Variants in SEMA6A observed in about 807,000 individuals in gnomAD.
The protein encoded by SEMA6A is semaphorin-6A.
In SEMA6A, 25 loss-of-function variants were observed where a neutral mutation model predicts 96.8. That is an observed-to-expected ratio of 0.26 (90% CI 0.19 to 0.36). SEMA6A has a LOEUF of 0.36. Among genes scored for constraint, SEMA6A ranks in the 10% least tolerant of loss-of-function variants. The pLI, the probability that SEMA6A is intolerant of heterozygous loss-of-function variation, is 1.00. For synonymous variants in SEMA6A, 612 were observed against 518.0 expected, an observed-to-expected ratio of 1.18 and a Z score of -2.46; for missense variants, 1,363 against 1,323.1, an observed-to-expected ratio of 1.03 and a Z score of -0.47.
chr5:116,491,603 G>C, intron 7 of SEMA6A, 137 bp downstream of exon 7: 2 of 671,012 alleles, frequency 3.0e-6, no homozygotes, highest in Non-Finnish European at 5.3e-6. Flanking sequence ...ATTTCAAACA[G>C]AAAGGCATTC....
intron 18 of SEMA6A, among the ~76,000 whole-genome samples, chr5:116,466,797 GTC>G (rs1244003347): frequency 6.6e-6 from 1 of 152,188 alleles, no homozygotes; most frequent in African/African-American, 2.4e-5. Context: ...GGGCTTTTCA[GTC>G]TCTGATTTAC....
rs548750382 is a variant in SEMA6A, at chr5:116,476,877, A to G, written c.1649+969T>C. 2.6e-5 allele frequency among the ~76,000 whole-genome samples: 4 copies of G among 152,342 alleles called. No homozygotes were observed. In the South Asian group the frequency reaches 6.2e-4, roughly 24 times the overall value. ...AGAGACTCAACCTTTTGCATTAGTCAAATTTCTAGGTCAGATTTTATAGTT... is the reference window on the plus strand; with the variant it reads ...AGAGACTCAACCTTTTGCATTAGTCGAATTTCTAGGTCAGATTTTATAGTT... On this transcript the variant is annotated intron_variant, in intron 15 of 18. Coordinates refer to ENST00000343348, the MANE Select transcript of SEMA6A (RefSeq NM_020796.5).
chr5:116,500,712 C>G (rs551745054), intron 3 of SEMA6A, among the ~76,000 whole-genome samples: 9 of 152,234 alleles, frequency 5.9e-5, no homozygotes, highest in Non-Finnish European at 1.0e-4. Flanking sequence ...TAGAAACGAT[C>G]TCCAATTCTA....
chr5:116,569,665 A>G (rs972994416), intron 1 of SEMA6A, among the ~76,000 whole-genome samples: 2 of 152,164 alleles, frequency 1.3e-5, no homozygotes, highest in African/African-American at 4.8e-5. Flanking sequence ...ACCTGAAGGA[A>G]GCCTGCAGGT....
chr5:116,521,271 G>A (rs908897911), intron 1 of SEMA6A, among the ~76,000 whole-genome samples: 1 of 152,190 alleles, frequency 6.6e-6, no homozygotes, highest in Non-Finnish European at 1.5e-5. Flanking sequence ...GCACTGGCTT[G>A]TTACTAAGGC....
At chr5:116,549,178 C>A (rs1760304431) in intron 1 of SEMA6A, among the ~76,000 whole-genome samples, 1 of 152,112 alleles carries the variant, frequency 6.6e-6, no homozygotes, top group Non-Finnish European at 1.5e-5. Flanking sequence ...GCATACTTTA[C>A]AAGTCTTTAT....
intron 11 of SEMA6A, 103 bp from the exon 12 acceptor site, chr5:116,480,380 G>A (rs1411760264): frequency 2.5e-5 from 34 of 1,371,156 alleles, no homozygotes; most frequent in Admixed American, 1.4e-4. Context: ...GGAGGAGAAT[G>A]TACTGCAGCC....
chr5:116,499,461 G>T (rs1012162928), intron 3 of SEMA6A, among the ~76,000 whole-genome samples: 2 of 152,160 alleles, frequency 1.3e-5, no homozygotes, highest in African/African-American at 4.8e-5. Context: ...GCTTTAAATC[G>T]TGTTACTTGC....
intron 1 of SEMA6A, among the ~76,000 whole-genome samples, chr5:116,539,744 T>C (rs539393025): frequency 6.6e-6 from 1 of 152,296 alleles, no homozygotes; most frequent in East Asian, 1.9e-4. Context: ...CCATCAGTGG[T>C]GGAAATTATT....
intron 1 of SEMA6A, among the ~76,000 whole-genome samples, chr5:116,565,876 C>G (rs1761004917): frequency 6.6e-6 from 1 of 152,044 alleles, no homozygotes; most frequent in Non-Finnish European, 1.5e-5. Flanking sequence ...CCAGCTCAAT[C>G]AGTATTCTCT....
intron 6 of SEMA6A, among the ~76,000 whole-genome samples, chr5:116,495,205 T>G (rs979482297): frequency 6.6e-6 from 1 of 152,192 alleles, no homozygotes; most frequent in African/African-American, 2.4e-5. Flanking sequence ...CTAGGCAGGC[T>G]CTTTAAAGAT....
intron 18 of SEMA6A, among the ~76,000 whole-genome samples, chr5:116,457,737 G>A (rs533667647): frequency 6.6e-6 from 1 of 152,174 alleles, no homozygotes; most frequent in South Asian, 2.1e-4. Flanking sequence ...GTATACTTCA[G>A]GGCGTTTCCA....
At chr5:116,492,726 T>C (rs1757387825) in intron 6 of SEMA6A, among the ~76,000 whole-genome samples, 1 of 152,204 alleles carries the variant, frequency 6.6e-6, no homozygotes, top group East Asian at 1.9e-4. Context: ...CAGGGCATGG[T>C]AGAGAGGCAG....
chr5:116,497,605 A>T (rs966036737), intron 3 of SEMA6A, among the ~76,000 whole-genome samples: 5 of 152,206 alleles, frequency 3.3e-5, no homozygotes, highest in African/African-American at 1.2e-4. Flanking sequence ...AACACCGTTT[A>T]TGAAAACTTT....
intron 1 of SEMA6A, among the ~76,000 whole-genome samples, chr5:116,530,590 TAGAAGCTTATTTTTA>T (rs1759426412): frequency 6.6e-6 from 1 of 152,156 alleles, no homozygotes; most frequent in Non-Finnish European, 1.5e-5. Context: ...AAAAATATTT[TAGAAGCTTATTTTTA>T]AAGTAGACTC....
chr5:116,453,181 C>A (rs1296061023), intron 18 of SEMA6A, among the ~76,000 whole-genome samples: 1 of 152,294 alleles, frequency 6.6e-6, no homozygotes, highest in Admixed American at 6.5e-5. Context: ...AGGCTGGAGG[C>A]ATGAGCCACC....
At position 116,551,317 on chromosome 5, in the gene SEMA6A, T is replaced by TACACACACACACACACAC. The variant is rs66523615; in HGVS notation, c.-39+22850_-39+22867dup. 2.3e-3 allele frequency among the ~76,000 whole-genome samples: 324 copies of TACACACACACACACACAC among 142,516 alleles called. 4 individuals carry two copies. The highest frequency in any genetic ancestry group is 7.4e-3 in the East Asian group (34 of 4,596). The allele number at this position is 142,516 out of a possible 152,430, so 93.5% of individuals were successfully genotyped here. A position where few individuals can be genotyped will look rare whatever the true frequency, so the allele number is the denominator to read the frequency against. ...TCAATTCTGCATGATAGTCTTAGCATACACACACACACACACACACACACA... is the reference window on the plus strand; with the variant it reads ...TCAATTCTGCATGATAGTCTTAGCATACACACACACACACACACACACACACACACACACACACACACA... On this transcript the variant is annotated intron_variant, in intron 1 of 18. Coordinates refer to ENST00000343348, the MANE Select transcript of SEMA6A (RefSeq NM_020796.5).
At chr5:116,478,353 T>A (rs532361874) in intron 13 of SEMA6A, 189 bp downstream of exon 13, 50 of 768,556 alleles carry the variant, frequency 6.5e-5, no homozygotes, top group Non-Finnish European at 9.3e-5. Flanking sequence ...TATATGTATC[T>A]ATATAAACAC....
intron 8 of SEMA6A, among the ~76,000 whole-genome samples, 174 bp downstream of exon 8, chr5:116,488,714 G>GA (rs1005537324): frequency 1.3e-5 from 2 of 151,600 alleles, no homozygotes; most frequent in Non-Finnish European, 2.9e-5. Flanking sequence ...TCAGGGGAAG[G>GA]AAAAAAGGGA....
Sources: gnomAD v4.1 joint callset for allele counts (sites outside exome capture counted in the v4.1 genomes callset) on GRCh38, gnomAD v4.1.1 for gene constraint, MANE v1.5 for transcripts, NCBI Gene and HGNC (gene_info 2026-07-23, HGNC 2026-07-21) for gene names.